DPY19L1: variants seen among roughly 807,000 people sequenced by gnomAD.
DPY19L1 encodes protein C-mannosyl-transferase DPY19L1.
A neutral mutation model predicts 96.9 loss-of-function variants in DPY19L1; 35 were observed. That is an observed-to-expected ratio of 0.36 (90% confidence interval 0.28 to 0.48). The LOEUF is 0.48. Among genes scored for constraint, DPY19L1 ranks in the 20% least tolerant of loss-of-function variants. The pLI is 0.99. For synonymous variants in DPY19L1, 205 were observed against 252.6 expected (o/e 0.81, Z 1.79); for missense variants, 521 against 777.9 (o/e 0.67, Z 3.93).
At chr7:34,977,639 A>C (rs1562813984) in intron 7 of DPY19L1, among the ~76,000 whole-genome samples, 2 of 152,210 alleles carry the variant, frequency 1.3e-5, no homozygotes, top group Admixed American at 1.3e-4. Context: ...ATGCCATATA[A>C]TTTGAAAATA....
At chr7:35,002,544 G>T (rs1785452877) in intron 6 of DPY19L1, among the ~76,000 whole-genome samples, 1 of 152,006 alleles carries the variant, frequency 6.6e-6, no homozygotes, top group Non-Finnish European at 1.5e-5. Context: ...AAAATTCTCA[G>T]AAATCAAAGG....
rs1350352139 is a variant in DPY19L1 at position 34,987,264 on chromosome 7, G to C, written c.822+2620C>G. ...AATTTACTAAAGAAGCTTGATCAATGAAAACATCTGCATAGTTTTTATTAT... is the reference window on the plus strand; with the variant it reads ...AATTTACTAAAGAAGCTTGATCAATCAAAACATCTGCATAGTTTTTATTAT... On this transcript the variant is annotated intron_variant, in intron 7 of 21. Coordinates refer to ENST00000638088, the MANE Select transcript of DPY19L1 (RefSeq NM_001366673.1). Among the ~76,000 whole-genome samples, 4 of 151,980 alleles carry C rather than the reference G, an allele frequency of 2.6e-5. No individual in the cohort carries two copies. In the East Asian group the frequency reaches 5.8e-4, roughly 22 times the overall value.
intron 9 of DPY19L1, among the ~76,000 whole-genome samples, chr7:34,967,887 G>A (rs1649244): frequency 0.046 from 7,046 of 152,178 alleles, 362 homozygotes; most frequent in African/African-American, 0.12. Flanking sequence ...GGAGAACACT[G>A]CATTTCTTAG....
chr7:34,940,964 T>C (rs1783998387), intron 18 of DPY19L1: 1 of 152,758 alleles, frequency 6.5e-6, no homozygotes, highest in South Asian at 2.1e-4. Context: ...AACATACTGA[T>C]TGGGAACCTC....
At chr7:34,999,015 C>T (rs952558356) in intron 6 of DPY19L1, among the ~76,000 whole-genome samples, 1 of 152,132 alleles carries the variant, frequency 6.6e-6, no homozygotes, top group African/African-American at 2.4e-5. Flanking sequence ...CAATCACTAA[C>T]TTTCAAGAAA....
chr7:35,032,324 T>C (rs1429543219), intron 1 of DPY19L1, among the ~76,000 whole-genome samples: 20 of 152,148 alleles, frequency 1.3e-4, no homozygotes, highest in Admixed American at 1.3e-3. Flanking sequence ...GGGGTGACCT[T>C]GGACAAGTTA....
intron 1 of DPY19L1, among the ~76,000 whole-genome samples, chr7:35,033,899 C>G (rs1390717065): frequency 1.3e-5 from 2 of 151,912 alleles, no homozygotes; most frequent in African/African-American, 4.8e-5. Flanking sequence ...TGGGGAGATA[C>G]CAGTGGCATC....
Position 34,941,701 on chromosome 7 carries a change from T to G in DPY19L1, c.1689+64A>C, listed in dbSNP as rs536949153. 5.9e-6 allele frequency: 9 copies of G among 1,515,180 alleles called. No homozygotes were observed. The African/African-American group carries it at 1.3e-4, about 21-fold the overall frequency. 93.9% of individuals were successfully genotyped at this position (1,515,180 alleles called of 1,614,324 possible). On this transcript the variant is annotated intron_variant, in intron 18 of 21. Transcript: ENST00000638088. ...TAAAAGACTTTGTAATTCATTATTTTAGGGCCACTCAATAATAAAGGCTAA... is the reference window on the plus strand; with the variant it reads ...TAAAAGACTTTGTAATTCATTATTTGAGGGCCACTCAATAATAAAGGCTAA...
At chr7:35,009,573 A>G (rs1243710765) in intron 6 of DPY19L1, among the ~76,000 whole-genome samples, 1 of 152,242 alleles carries the variant, frequency 6.6e-6, no homozygotes, top group African/African-American at 2.4e-5. Context: ...TAACATTAAT[A>G]AAGAGCTATT....
intron 6 of DPY19L1, among the ~76,000 whole-genome samples, chr7:35,000,132 A>G (rs1785387746): frequency 6.6e-6 from 1 of 152,226 alleles, no homozygotes; most frequent in Non-Finnish European, 1.5e-5. Flanking sequence ...TAATAGAAAG[A>G]AAGTTGTTCA....
rs192650206 is a variant in DPY19L1 at position 34,956,942 on chromosome 7, C to T, written c.1179+1042G>A. ...CAAGAAGTCGAATATATTCCAATTA[C>T]GACAGTGCAATACGCTTTTAAAGTC... On this transcript the variant is annotated intron_variant, in intron 11 of 21. Transcript: ENST00000638088. Among the ~76,000 whole-genome samples the T allele has an allele frequency of 1.0e-3, 152 of 152,248 alleles. 1 individual carries two copies. The highest frequency in any genetic ancestry group is 1.0e-3 in the South Asian group (5 of 4,828).
In DPY19L1 at chr7:34,969,497, A is replaced by T. The variant is rs1248417365; in HGVS notation, c.950T>A (p.Leu317His). Reference sequence around the variant, plus strand: ...CATGAAAAATACATTGGAAATGCAGAGTGCAATCAAGCTTCCTCTATAAAG... The same window carrying T: ...CATGAAAAATACATTGGAAATGCAGTGTGCAATCAAGCTTCCTCTATAAAG... ...TKLYRGSLIA[L>H]CISNVFFMLP... Residue 317 changes from leucine to histidine, a missense_variant, in exon 9 of 22, where the codon CTC (leucine) becomes CAC (histidine). Physicochemically the swap from Leu to His is moderately conservative, Grantham distance 99 (BLOSUM62 -3). Transcript: ENST00000638088. 2 of 1,575,454 alleles carry T rather than the reference A, an allele frequency of 1.3e-6. No individual in the cohort carries two copies. The highest frequency in any genetic ancestry group is 2.7e-5 in the African/African-American group (2 of 73,048).
intron 21 of DPY19L1, among the ~76,000 whole-genome samples, chr7:34,933,153 T>A (rs1201828591): frequency 3.3e-5 from 5 of 151,884 alleles, no homozygotes; most frequent in Admixed American, 6.6e-5. Context: ...AAAAAAAAAA[T>A]TATTTCAATA....
chr7:35,002,174 C>T (rs555656495), intron 6 of DPY19L1, among the ~76,000 whole-genome samples: 1 of 147,370 alleles, frequency 6.8e-6, no homozygotes, highest in Admixed American at 6.7e-5. Context: ...AAAAAACCCA[C>T]ACACACAAGC....
At chr7:35,007,407 A>G (rs757975909) in intron 6 of DPY19L1, among the ~76,000 whole-genome samples, 3 of 152,226 alleles carry the variant, frequency 2.0e-5, no homozygotes, top group Non-Finnish European at 4.4e-5. Flanking sequence ...AAGCAGTCAA[A>G]TGGGCAGAGT....
intron 8 of DPY19L1, among the ~76,000 whole-genome samples, chr7:34,972,927 A>G (rs1348977508): frequency 1.3e-5 from 2 of 152,234 alleles, no homozygotes; most frequent in Non-Finnish European, 2.9e-5. Flanking sequence ...AGATTGCCCA[A>G]AGGGTTTGGC....
chr7:35,027,932 G>C (rs1786166758), intron 1 of DPY19L1, among the ~76,000 whole-genome samples: 1 of 152,138 alleles, frequency 6.6e-6, no homozygotes, highest in Admixed American at 6.5e-5. Context: ...CATGATGATG[G>C]TTTTAAGCAC....
intron 13 of DPY19L1, among the ~76,000 whole-genome samples, chr7:34,952,126 C>T (rs1217543831): frequency 2.9e-5 from 2 of 68,044 alleles, no homozygotes; most frequent in African/African-American, 4.3e-5. Context: ...AAAAAAAAGA[C>T]CACAAAAAAA....
chr7:35,009,092 G>A (rs1181095041), intron 6 of DPY19L1, among the ~76,000 whole-genome samples: 4 of 152,154 alleles, frequency 2.6e-5, no homozygotes, highest in Non-Finnish European at 1.5e-5. Flanking sequence ...TAACATCAAA[G>A]TGTCTTAAAT....
Sources: gnomAD v4.1 joint callset for allele counts (sites outside exome capture counted in the v4.1 genomes callset) on GRCh38, gnomAD v4.1.1 for gene constraint, MANE v1.5 for transcripts, NCBI Gene and HGNC (gene_info 2026-07-23, HGNC 2026-07-21) for gene names.